LEPR: variants seen among roughly 807,000 people sequenced by gnomAD.
The protein encoded by LEPR is OB receptor.
A neutral mutation model predicts 114.7 loss-of-function variants in LEPR; 56 were observed. The ratio of observed to expected loss-of-function variants is 0.49; its 90% CI spans 0.39 to 0.61. The LOEUF (loss-of-function observed/expected upper bound fraction) is 0.61, where lower values mean the gene tolerates loss of function less well. Ranked by LOEUF, LEPR falls within the 20% of genes least tolerant of loss-of-function variation. The probability of loss-of-function intolerance (pLI) is 0.00; values close to 1 mark genes in which losing one functional copy is unlikely to be tolerated. For missense variants in LEPR, 1,202 were observed against 1,352.9 expected (o/e 0.89, Z 1.75); for synonymous variants, 443 against 461.4 (o/e 0.96, Z 0.51).
chr1:65,582,128 G>A (rs1051881423), intron 5 of LEPR, among the ~76,000 whole-genome samples: 1 of 152,184 alleles, frequency 6.6e-6, no homozygotes, highest in South Asian at 2.1e-4. Context: ...CCACTTTCAA[G>A]TTCCAGTATC....
rs1364510593 is a variant in LEPR at position 65,633,185 on chromosome 1, A to G, written c.2674-3006A>G. 2 of 1,608,570 alleles carry G rather than the reference A, an allele frequency of 1.2e-6. No homozygotes were observed. On this transcript the variant is annotated intron_variant, in intron 19 of 19. Transcript: ENST00000349533. This position sits in a 1 kb window ranked among gnomAD's most constrained non-coding sequence, Gnocchi z 4.1. Reference sequence around the variant, plus strand: ...CATTCTTTGAAGTCTAATCATGATCACTACAGATGAACCCAATGTGCCAAC... The same window carrying G: ...CATTCTTTGAAGTCTAATCATGATCGCTACAGATGAACCCAATGTGCCAAC...
rs150782616 is a variant in LEPR at position 65,526,205 on chromosome 1, C to G, written c.-20-39341C>G. On this transcript the variant is annotated intron_variant, in intron 2 of 19. Transcript: ENST00000349533. ...CACCTAAAACAGTAAACCCTGGGGT[C>G]CTGAAGAGAATTTGCTGGTTCGAAT... 387 of 984,912 alleles carry G rather than the reference C, an allele frequency of 3.9e-4. 2 individuals are homozygous for G. The African/African-American group carries it at 6.4e-3, about 16-fold the overall frequency. 61.0% of individuals were successfully genotyped at this position (984,912 alleles called of 1,614,324 possible).
intron 5 of LEPR, among the ~76,000 whole-genome samples, chr1:65,582,417 AG>A (rs1330228878): frequency 6.6e-6 from 1 of 152,170 alleles, no homozygotes; most frequent in African/African-American, 2.4e-5. Context: ...TGTTGGACTG[AG>A]GGCCTCAGTT....
chr1:65,493,063 C>A (rs534657161), intron 2 of LEPR, among the ~76,000 whole-genome samples: 11 of 151,978 alleles, frequency 7.2e-5, no homozygotes, highest in African/African-American at 2.4e-4. Flanking sequence ...AAAATCCTTG[C>A]AGTTTGTTCT....
chr1:65,473,275 A>C (rs962240917), intron 2 of LEPR, among the ~76,000 whole-genome samples: 1 of 152,196 alleles, frequency 6.6e-6, no homozygotes, highest in African/African-American at 2.4e-5. Context: ...GTCTGGCTAA[A>C]TCCAATGCCT....
intron 2 of LEPR, among the ~76,000 whole-genome samples, chr1:65,539,430 A>G (rs1202880471): frequency 6.6e-6 from 1 of 152,158 alleles, no homozygotes; most frequent in East Asian, 1.9e-4. Context: ...GCATATGGGC[A>G]GTGTTTTATC....
intron 2 of LEPR, among the ~76,000 whole-genome samples, chr1:65,431,269 A>AC (rs1235310520): frequency 6.6e-6 from 1 of 152,220 alleles, no homozygotes; most frequent in African/African-American, 2.4e-5. Context: ...TCTCTTGCTT[A>AC]AAGTAAAACA....
intron 19 of LEPR, chr1:65,629,192 G>A (rs1570858962): frequency 4.8e-6 from 1 of 210,458 alleles, no homozygotes; most frequent in East Asian, 1.6e-4. Flanking sequence ...TCCATTTCTT[G>A]TTCTTTTAAA....
In LEPR at chr1:65,596,391, G is replaced by C; in HGVS notation, c.704-57G>C. ...ATTTATCTTGACTTTATTTTATTCAGCTATAATTGTCATGAAAATTACTTG... is the reference window on the plus strand; with the variant it reads ...ATTTATCTTGACTTTATTTTATTCACCTATAATTGTCATGAAAATTACTTG... On this transcript the variant is annotated intron_variant, in intron 6 of 19. Coordinates refer to ENST00000349533, the MANE Select transcript of LEPR (RefSeq NM_002303.6). The C allele has an allele frequency of 3.8e-6, 6 of 1,593,550 alleles. No homozygotes were observed. In the South Asian group the frequency reaches 6.7e-5, roughly 18 times the overall value.
At chr1:65,604,329 T>A (rs1403582400) in intron 10 of LEPR, among the ~76,000 whole-genome samples, 2 of 152,098 alleles carry the variant, frequency 1.3e-5, no homozygotes, top group Admixed American at 6.5e-5. Context: ...ATTTTATTTA[T>A]TTTAATTTAA....
At chr1:65,546,399 A>G (rs148788423) in intron 2 of LEPR, among the ~76,000 whole-genome samples, 6,745 of 152,236 alleles carry the variant, frequency 0.044, 247 homozygotes, top group Middle Eastern at 0.11. Flanking sequence ...TACCTTGGGC[A>G]GTATGGCCAT....
intron 2 of LEPR, among the ~76,000 whole-genome samples, chr1:65,470,599 G>A (rs1156876380): frequency 6.6e-6 from 1 of 152,178 alleles, no homozygotes; most frequent in Non-Finnish European, 1.5e-5. Flanking sequence ...TAAGCAAACA[G>A]AGGGAAATTT....
At chr1:65,501,557 G>C (rs973286622) in intron 2 of LEPR, among the ~76,000 whole-genome samples, 3 of 151,780 alleles carry the variant, frequency 2.0e-5, no homozygotes, top group Admixed American at 1.3e-4. Context: ...CATCTGCATA[G>C]AGCCTATTTT....
intron 8 of LEPR, among the ~76,000 whole-genome samples, chr1:65,599,374 A>G (rs889629163): frequency 1.4e-4 from 22 of 152,182 alleles, no homozygotes; most frequent in African/African-American, 3.6e-4. Flanking sequence ...AGTTGGGACT[A>G]TAGAAAGACA....
intron 1 of LEPR, chr1:65,421,587 G>T: frequency 3.8e-6 from 4 of 1,062,212 alleles, no homozygotes; most frequent in Non-Finnish European, 4.1e-6. Context: ...TAAACATGTA[G>T]ATAGTATATA....
intron 2 of LEPR, among the ~76,000 whole-genome samples, chr1:65,498,177 G>A (rs575985356): frequency 3.9e-5 from 6 of 152,148 alleles, no homozygotes; most frequent in African/African-American, 9.6e-5. Flanking sequence ...TCATTATGGC[G>A]GTCTGTGTTT....
chr1:65,542,093 T>C (rs1322133474), intron 2 of LEPR, among the ~76,000 whole-genome samples: 2 of 152,186 alleles, frequency 1.3e-5, no homozygotes, highest in Non-Finnish European at 2.9e-5. Flanking sequence ...TAGTAATAAC[T>C]GAAGAGTAAG....
At chr1:65,539,170 C>T (rs183737985) in intron 2 of LEPR, among the ~76,000 whole-genome samples, 11 of 144,480 alleles carry the variant, frequency 7.6e-5, no homozygotes, top group African/African-American at 2.8e-4. Context: ...CTCTTTCTTG[C>T]TCTCATTATT....
chr1:65,525,648 C>A, intron 2 of LEPR: 1 of 985,770 alleles, frequency 1.0e-6, no homozygotes, highest in South Asian at 4.7e-5. Flanking sequence ...CACCTCCCCA[C>A]GCACTCGGCT....
Sources: gnomAD v4.1 joint callset for allele counts (sites outside exome capture counted in the v4.1 genomes callset) on GRCh38, gnomAD v4.1.1 for gene constraint, Gnocchi (gnomAD v3.1) non-coding constraint, MANE v1.5 for transcripts, NCBI Gene and HGNC (gene_info 2026-07-23, HGNC 2026-07-21) for gene names.